The following MADD variants were observed in gnomAD, a reference collection of about 807,000 sequenced individuals.
MADD encodes MAP kinase-activating death domain protein.
In MADD, 109 loss-of-function variants were observed where a neutral mutation model predicts 176.7. That is an observed-to-expected ratio of 0.62 (90% CI 0.53 to 0.72). The LOEUF is 0.72. MADD is among the 30% of genes least tolerant of loss of function. MADD has a pLI of 0.00. For missense variants in MADD, 1,914 were observed against 2,045.5 expected (o/e 0.94, Z 1.24); for synonymous variants, 771 against 771.3 (o/e 1.00, Z 0.01).
Position 47,282,564 on chromosome 11 carries a change from T to TG in MADD, c.1657dup (p.Glu553GlyfsTer5). The stretch of plus-strand genomic sequence containing the variant: ...CCAGGACTCAGGCTGTGGAGTACTT[T>TG]GGGGAATGGATCCTTAACCCCACCA... On this transcript the variant is annotated frameshift_variant, in exon 9 of 33. Coordinates refer to ENST00000402192, the Ensembl canonical transcript of MADD. LOFTEE classifies it high-confidence loss of function. 6.2e-7 allele frequency: 1 copy of TG among 1,614,204 alleles called. No homozygotes were observed. The highest frequency in any genetic ancestry group is 8.5e-7 in the Non-Finnish European group (1 of 1,180,046).
intron 1 of MADD, chr11:47,271,877 G>GCC (rs1184710762): frequency 6.6e-6 from 1 of 152,058 alleles, no homozygotes; most frequent in Non-Finnish European, 1.5e-5. Context: ...CTGTTATAGT[G>GCC]CCCCACCTCC....
intron 22 of MADD, among the ~76,000 whole-genome samples, chr11:47,307,816 A>G (rs1242380402): frequency 2.0e-5 from 3 of 152,026 alleles, no homozygotes; most frequent in Non-Finnish European, 4.4e-5. Context: ...CTATAGGTGC[A>G]TGCCACCACA....
intron 22 of MADD, among the ~76,000 whole-genome samples, chr11:47,302,836 C>T (rs1318476420): frequency 6.6e-6 from 1 of 151,972 alleles, no homozygotes; most frequent in Non-Finnish European, 1.5e-5. Context: ...TTGTTTCTTC[C>T]TCTCATTTAT....
At chr11:47,329,475 G>A (rs546476738) in exon 33 of MADD, 8 of 304,006 alleles carry the variant, frequency 2.6e-5, no homozygotes, top group East Asian at 6.5e-5. Flanking sequence ...TGTCCCTGGC[G>A]TTATAACTGT....
In MADD at chr11:47,323,323, G is replaced by A. The variant is rs2094846021; in HGVS notation, c.4198-348G>A. Among the ~76,000 whole-genome samples, 6 of 151,852 alleles carry A rather than the reference G, an allele frequency of 4.0e-5. No individual in the cohort carries two copies. In the South Asian group the frequency reaches 1.2e-3, roughly 32 times the overall value. ...TTGGGGGCTGAGGCAGGAAGAACCT[G>A]GCTGGTCGAGGCTGCAGTGAGCTGA... On this transcript the variant is annotated intron_variant, in intron 27 of 32. Coordinates refer to ENST00000402192, the Ensembl canonical transcript of MADD.
intron 22 of MADD, among the ~76,000 whole-genome samples, chr11:47,301,563 T>G (rs1291898870): frequency 6.6e-6 from 1 of 152,238 alleles, no homozygotes; most frequent in Non-Finnish European, 1.5e-5. Flanking sequence ...ATGTGACGTT[T>G]ATTGCTATAA....
At chr11:47,276,659 A>G in intron 4 of MADD, 73 bp from the exon 5 acceptor site, 1 of 1,559,692 alleles carries the variant, frequency 6.4e-7, no homozygotes, top group South Asian at 1.2e-5. Context: ...ACCAAGTTGT[A>G]ATGTTGGAAG....
intron 31 of MADD, chr11:47,327,767 CAGA>C: frequency 8.1e-6 from 8 of 985,446 alleles, no homozygotes; most frequent in Non-Finnish European, 9.6e-6. Flanking sequence ...CTCCCAGGGT[CAGA>C]AGAAGGTACG....
chr11:47,274,796 G>T, exon 3 of MADD: 4 of 1,614,170 alleles, frequency 2.5e-6, no homozygotes, highest in African/African-American at 1.3e-5. Context: ...AACTTCTACC[G>T]CTCCTTCCAA....
chr11:47,309,838 C>CTTTT (rs60488949), intron 25 of MADD, among the ~76,000 whole-genome samples: 4 of 143,658 alleles, frequency 2.8e-5, no homozygotes, highest in Non-Finnish European at 1.5e-5. Context: ...TGATGATTCT[C>CTTTT]TTTTTTTTTT....
intron 5 of MADD, among the ~76,000 whole-genome samples, chr11:47,277,380 C>T (rs777233067): frequency 1.3e-5 from 2 of 152,188 alleles, no homozygotes; most frequent in Non-Finnish European, 2.9e-5. Context: ...GGAGCCTCTG[C>T]CTTCCAGGTT....
Position 47,285,442 on chromosome 11 carries a change from G to A in MADD, c.2412-9G>A, listed in dbSNP as rs766527183. On this transcript the variant is annotated splice_polypyrimidine_tract_variant and intron_variant, in intron 13 of 32. Coordinates refer to ENST00000402192, the Ensembl canonical transcript of MADD. The stretch of plus-strand genomic sequence containing the variant: ...GCCTGGGGATCATAGGTGCCTCTGT[G>A]CATTCAAGGGCTCAAAAGCTGCTGC... 88 of 1,613,958 alleles carry A rather than the reference G, an allele frequency of 5.5e-5. 1 individual carries two copies. In the South Asian group the frequency reaches 9.6e-4, roughly 18 times the overall value.
Position 47,290,688 on chromosome 11 carries a change from G to A in MADD, c.3173G>A (p.Gly1058Glu), listed in dbSNP as rs780097523. The change falls in exon 19 of 33, where the codon GGG becomes GAG. Residue 1058 changes from glycine (G) to glutamate (E), a missense_variant. By Grantham distance (98) the Gly-to-Glu change is moderately conservative (BLOSUM62 -2). This residue lies in a region of MADD where 1,767 missense variants were observed against 1,836.0 expected (regional missense o/e 0.96). Transcript: ENST00000402192. The stretch of plus-strand genomic sequence containing the variant: ...AAGGATCCTGGCCTAGCTGGGCGGG[G>A]GGACCCAAAGGCTATGGCACAACTG... 3 of 1,614,126 alleles carry A rather than the reference G, an allele frequency of 1.9e-6. No homozygotes were observed. The South Asian group carries it at 3.3e-5, about 18-fold the overall frequency.
At chr11:47,314,084 TAAAA>T (rs1258520146) in intron 26 of MADD, among the ~76,000 whole-genome samples, 1 of 151,454 alleles carries the variant, frequency 6.6e-6, no homozygotes, top group African/African-American at 2.4e-5. Flanking sequence ...CTACAAAAAA[TAAAA>T]AAATTAGCTA....
chr11:47,321,781 A>C (rs948427875), intron 27 of MADD, among the ~76,000 whole-genome samples: 38 of 152,124 alleles, frequency 2.5e-4, no homozygotes, highest in African/African-American at 9.2e-4. Flanking sequence ...AGGGAAGAGG[A>C]AGGAGTCGGG....
intron 21 of MADD, 52 bp from the exon 24 acceptor site, chr11:47,295,845 T>C (rs1163452109): frequency 6.4e-7 from 1 of 1,567,032 alleles, no homozygotes; most frequent in Non-Finnish European, 8.6e-7. Flanking sequence ...AGCTTGGTAT[T>C]TCTGGGGCCC....
At chr11:47,282,883 T>C in exon 10 of MADD, 1 of 1,614,192 alleles carries the variant, frequency 6.2e-7, no homozygotes, top group Non-Finnish European at 8.5e-7. Context: ...CTATCCACTA[T>C]CGCGTCTATG....
intron 6 of MADD, among the ~76,000 whole-genome samples, chr11:47,278,525 T>C (rs924049779): frequency 2.0e-5 from 3 of 152,154 alleles, no homozygotes; most frequent in Non-Finnish European, 4.4e-5. Flanking sequence ...CCCCACCATA[T>C]CCTCCAAGAG....
intron 4 of MADD, 147 bp downstream of exon 4, chr11:47,276,349 G>A (rs1445865134): frequency 2.7e-6 from 2 of 746,246 alleles, no homozygotes; most frequent in African/African-American, 1.8e-5. Context: ...AACAGCAGGT[G>A]TTCCGTAGAT....
Sources: gnomAD v4.1 joint callset for allele counts (sites outside exome capture counted in the v4.1 genomes callset) on GRCh38, gnomAD v4.1.1 for gene constraint, gnomAD v4.1.1 regional missense constraint, MANE v1.5 for transcripts, NCBI Gene and HGNC (gene_info 2026-07-23, HGNC 2026-07-21) for gene names.